Variants in SAMD3 observed in about 807,000 individuals in gnomAD.
SAMD3 encodes sterile alpha motif domain-containing protein 3.
A neutral mutation model predicts 58.5 loss-of-function variants in SAMD3; 63 were observed. That is an observed-to-expected ratio of 1.08 (90% CI 0.88 to 1.33). The LOEUF (loss-of-function observed/expected upper bound fraction) is 1.33, where lower values mean the gene tolerates loss of function less well. Among genes scored for constraint, SAMD3 ranks in the 40% most tolerant of loss-of-function variants. The pLI is 0.00. For missense variants in SAMD3, 604 were observed against 608.4 expected (o/e 0.99, Z 0.08); for synonymous variants, 220 against 210.3 (o/e 1.05, Z -0.40).
Position 130,341,165 on chromosome 6 carries a change from G to GGGAA in SAMD3, c.-304+23954_-304+23955insTTCC, listed in dbSNP as rs1402507429. Among the ~76,000 whole-genome samples, 8 of 151,550 alleles carry GGGAA rather than the reference G, an allele frequency of 5.3e-5. No individual in the cohort carries two copies. In the Middle Eastern group the frequency reaches 0.01, roughly 195 times the overall value. ...AGGGAGGGAGGGAGGAAGAGAGGGAGGGAGGAAGGAAGGAAGGAAATAAAT... is the reference window on the plus strand; with the variant it reads ...AGGGAGGGAGGGAGGAAGAGAGGGAGGGAAGGAGGAAGGAAGGAAGGAAATAAAT... On this transcript the variant is annotated intron_variant, in intron 1 of 13. Coordinates refer to the SAMD3 transcript ENST00000368134.
chr6:130,338,101 G>A (rs1777156762), intron 1 of SAMD3, among the ~76,000 whole-genome samples: 1 of 152,226 alleles, frequency 6.6e-6, no homozygotes, highest in African/African-American at 2.4e-5. Context: ...GGCCCCCGCT[G>A]CTTTGTGTAG....
At position 130,209,525 on chromosome 6, in the gene SAMD3, C is replaced by T; in HGVS notation, c.353G>A (p.Gly118Glu). ...TTTCAATACTCTTTGGTCAATTAGT[C>T]CATTATCAAGGTTTTCAGCTGGATA... ...SFYPAENLDN[G>E]LIDQRVLKQR... is the part of the protein sequence containing the mutation. Residue 118 changes from glycine to glutamate, a missense_variant, in exon 5 of 12, where the codon GGA (glycine) becomes GAA (glutamate). Gly to Glu is a moderately conservative substitution (Grantham distance 98). Coordinates refer to ENST00000439090, the MANE Select transcript of SAMD3 (RefSeq NM_001017373.4). 1 of 1,612,668 alleles carries T rather than the reference C, an allele frequency of 6.2e-7. No homozygotes were observed. Among genetic ancestry groups the T allele is most frequent in the Non-Finnish European group, 8.5e-7 (1 of 1,178,702 alleles).
At chr6:130,175,707 G>T in intron 8 of SAMD3, 134 bp downstream of exon 8, 1 of 541,572 alleles carries the variant, frequency 1.8e-6, no homozygotes, top group Non-Finnish European at 3.1e-6. Flanking sequence ...AGACTTTCTT[G>T]GTTCTTAACT....
chr6:130,244,483 A>C (rs1326024586), intron 2 of SAMD3, among the ~76,000 whole-genome samples: 1 of 152,136 alleles, frequency 6.6e-6, no homozygotes, highest in Admixed American at 6.5e-5. Context: ...CCAGCCTTGT[A>C]ATCCCAGCAC....
chr6:130,153,957 AT>A (rs1337212395), intron 9 of SAMD3, among the ~76,000 whole-genome samples: 2 of 151,844 alleles, frequency 1.3e-5, no homozygotes. Flanking sequence ...GATTACAGGC[AT>A]GAGCCACCAT....
intron 2 of SAMD3, among the ~76,000 whole-genome samples, chr6:130,231,182 C>A (rs182853116): frequency 6.6e-6 from 1 of 151,722 alleles, no homozygotes; most frequent in Non-Finnish European, 1.5e-5. Context: ...TAATAATACA[C>A]GATTTATTTT....
chr6:130,295,152 A>T (rs753587152), intron 2 of SAMD3, among the ~76,000 whole-genome samples: 1 of 151,924 alleles, frequency 6.6e-6, no homozygotes, highest in Non-Finnish European at 1.5e-5. Context: ...CGAACTCCCG[A>T]CCTCAGGTGA....
intron 1 of SAMD3, among the ~76,000 whole-genome samples, chr6:130,350,643 C>A (rs1583143589): frequency 6.6e-6 from 1 of 152,312 alleles, no homozygotes; most frequent in East Asian, 1.9e-4. Context: ...AATGGCCATA[C>A]TGCCCAAGGT....
At chr6:130,342,162 C>A (rs1052930344) in intron 1 of SAMD3, among the ~76,000 whole-genome samples, 2 of 152,084 alleles carry the variant, frequency 1.3e-5, no homozygotes, top group African/African-American at 4.8e-5. Flanking sequence ...AATAAGGGGC[C>A]ATAGCTTTTA....
intron 5 of SAMD3, among the ~76,000 whole-genome samples, chr6:130,205,633 C>T (rs1490047301): frequency 6.6e-6 from 1 of 152,158 alleles, no homozygotes; most frequent in Admixed American, 6.5e-5. Flanking sequence ...TCCTATTGAG[C>T]CTCTATGTGT....
At chr6:130,283,573 C>T in intron 2 of SAMD3, among the ~76,000 whole-genome samples, 1 of 151,902 alleles carries the variant, frequency 6.6e-6, no homozygotes, top group Admixed American at 6.6e-5. Context: ...AGAAAAAAGG[C>T]TAAAGAGAAA....
chr6:130,254,023 C>T (rs1773838080), intron 2 of SAMD3, among the ~76,000 whole-genome samples: 1 of 151,932 alleles, frequency 6.6e-6, no homozygotes, highest in Non-Finnish European at 1.5e-5. Flanking sequence ...GACAAAGTCT[C>T]ACTCCTGTCA....
downstream of SAMD3, chr6:130,144,267 A>ATAACT (rs1184529452): frequency 6.5e-6 from 3 of 464,960 alleles, no homozygotes; most frequent in African/African-American, 4.0e-5. Context: ...CTCTGAAAAT[A>ATAACT]TAACTTAACT....
rs186713294 is a variant in SAMD3 at position 130,281,445 on chromosome 6, T to C, written c.-188+31533A>G. Among the ~76,000 whole-genome samples, 900 of 152,264 alleles carry C rather than the reference T, an allele frequency of 5.9e-3. 42 individuals carry two copies. The highest frequency in any genetic ancestry group is 0.053 in the Admixed American group (805 of 15,278). On this transcript the variant is annotated intron_variant, in intron 2 of 13. Coordinates refer to the SAMD3 transcript ENST00000368134. ...AAGATGGGGAAGACAGAGCCCACAT[T>C]TTCCAAAAGAACTTGAAAGCTTGTG...
chr6:130,152,182 G>A (rs571108732), intron 9 of SAMD3, among the ~76,000 whole-genome samples: 1 of 152,108 alleles, frequency 6.6e-6, no homozygotes, highest in Non-Finnish European at 1.5e-5. Context: ...CACAATGGCA[G>A]GAGCAACAGG....
chr6:130,158,047 A>G (rs1789950634), intron 8 of SAMD3, among the ~76,000 whole-genome samples: 2 of 152,194 alleles, frequency 1.3e-5, no homozygotes, highest in South Asian at 2.1e-4. Flanking sequence ...AAACTATAAA[A>G]TATTAATGAG....
chr6:130,167,040 G>A (rs1012506523), intron 8 of SAMD3, among the ~76,000 whole-genome samples: 8 of 152,016 alleles, frequency 5.3e-5, no homozygotes, highest in African/African-American at 1.9e-4. Context: ...TCATAACCAG[G>A]TATGCATAAC....
intron 1 of SAMD3, among the ~76,000 whole-genome samples, chr6:130,317,358 C>T (rs189969580): frequency 2.2e-4 from 33 of 152,214 alleles, no homozygotes; most frequent in Admixed American, 6.5e-4. Context: ...ATTTGTTGGA[C>T]GCCTACTACG....
At chr6:130,277,264 T>C (rs1774808048) in intron 2 of SAMD3, among the ~76,000 whole-genome samples, 1 of 152,196 alleles carries the variant, frequency 6.6e-6, no homozygotes, top group African/African-American at 2.4e-5. Context: ...AAAGAGTGGG[T>C]CAGTTTTAGG....
Sources: allele counts gnomAD v4.1 joint callset (sites outside exome capture counted in the v4.1 genomes callset), GRCh38; gene constraint gnomAD v4.1.1; transcripts MANE v1.5; gene names NCBI Gene and HGNC (gene_info 2026-07-23, HGNC 2026-07-21).